The following APP variants were observed in gnomAD, a reference collection of about 807,000 sequenced individuals.
The protein encoded by APP is amyloid-beta precursor protein.
Under a neutral mutation model 101.4 loss-of-function variants are expected in APP, and 31 were observed. The ratio of observed to expected loss-of-function variants is 0.31; its 90% CI spans 0.23 to 0.41. The LOEUF is 0.41. APP is among the 10% of genes least tolerant of loss of function. The pLI, the probability that APP is intolerant of heterozygous loss-of-function variation, is 1.00. For synonymous variants in APP, 366 were observed against 364.4 expected (o/e 1.00, Z -0.05); for missense variants, 839 against 1,003.7 (o/e 0.84, Z 2.22).
intron 3 of APP, among the ~76,000 whole-genome samples, chr21:26,088,202 GGATAAAATA>G (rs916366939): frequency 1.3e-5 from 2 of 152,128 alleles, no homozygotes; most frequent in African/African-American, 4.8e-5. Context: ...TCAACAGATA[GGATAAAATA>G]GACCTGGGGT....
At chr21:25,997,083 G>A in intron 8 of APP, 1 of 484,124 alleles carries the variant, frequency 2.1e-6, no homozygotes, top group South Asian at 2.3e-5. Flanking sequence ...ACAATACAAT[G>A]ATGTTGTCCA....
At chr21:25,939,896 C>A (rs1458230844) in intron 13 of APP, among the ~76,000 whole-genome samples, 1 of 151,704 alleles carries the variant, frequency 6.6e-6, no homozygotes, top group Non-Finnish European at 1.5e-5. Context: ...CAGGAGGGGA[C>A]AACAGCAAGG....
At chr21:25,945,689 A>G in intron 13 of APP, 1 of 329,944 alleles carries the variant, frequency 3.0e-6, no homozygotes, top group Non-Finnish European at 6.0e-6. Flanking sequence ...TCAATGGGGG[A>G]AATAATAGTC....
intron 13 of APP, among the ~76,000 whole-genome samples, chr21:25,944,040 C>T (rs1481895061): frequency 6.6e-6 from 1 of 151,982 alleles, no homozygotes. Flanking sequence ...CAATGCCCCC[C>T]CCCAACCAAA....
chr21:25,967,714 G>C (rs1445101848), intron 11 of APP, among the ~76,000 whole-genome samples: 1 of 152,168 alleles, frequency 6.6e-6, no homozygotes, highest in South Asian at 2.1e-4. Context: ...AACGCTGAGA[G>C]TTACAAGGGG....
rs113206538 is a variant in APP, at chr21:26,118,622, G to A, written c.58-6476C>T. ...GGCTGGAGTGCAGCGGGGTGATCTC[G>A]GCTCACCGCAACCTCTGCCTCCTGG... On this transcript the variant is annotated intron_variant, in intron 1 of 17. Transcript: ENST00000346798. Among the ~76,000 whole-genome samples the A allele has an allele frequency of 2.7e-3, 406 of 152,168 alleles. 2 individuals are homozygous for A. The highest frequency in any genetic ancestry group is 4.6e-3 in the Non-Finnish European group (311 of 68,006).
chr21:25,982,924 G>A (rs967569954), intron 8 of APP, among the ~76,000 whole-genome samples: 2 of 43,302 alleles, frequency 4.6e-5, no homozygotes, highest in Non-Finnish European at 8.6e-5. Flanking sequence ...GTAGAATAAC[G>A]GCACCCCAGG....
At chr21:26,166,606 A>C (rs1234170143) in intron 1 of APP, among the ~76,000 whole-genome samples, 1 of 152,168 alleles carries the variant, frequency 6.6e-6, no homozygotes, top group Non-Finnish European at 1.5e-5. Context: ...AATTAAAAAA[A>C]GAAAAAAAAA....
intron 12 of APP, 120 bp downstream of exon 12, chr21:25,955,507 T>G (rs2041274662): frequency 7.0e-7 from 1 of 1,421,270 alleles, no homozygotes; most frequent in African/African-American, 1.4e-5. Flanking sequence ...GTTAAAGAGC[T>G]CTTGCCATAG....
chr21:25,895,757 AAT>A (rs1335062158), intron 16 of APP, among the ~76,000 whole-genome samples: 7 of 152,232 alleles, frequency 4.6e-5, no homozygotes, highest in Non-Finnish European at 1.0e-4. Context: ...TTACTAAACA[AAT>A]ATGCTAGCTC....
chr21:25,891,631 G>T, intron 17 of APP, 91 bp downstream of exon 17: 1 of 1,294,704 alleles, frequency 7.7e-7, no homozygotes, highest in Non-Finnish European at 1.1e-6. Context: ...TTTTTTAAAA[G>T]AGATACTTAG....
At chr21:26,016,243 GGCTGGTCTCT>G (rs1280035183) in intron 6 of APP, among the ~76,000 whole-genome samples, 1 of 152,090 alleles carries the variant, frequency 6.6e-6, no homozygotes, top group East Asian at 1.9e-4. Context: ...ATGTTGGCCA[GGCTGGTCTCT>G]AACTCCTGAC....
At chr21:25,939,295 A>C (rs1555899537) in intron 13 of APP, among the ~76,000 whole-genome samples, 1 of 152,250 alleles carries the variant, frequency 6.6e-6, no homozygotes, top group Non-Finnish European at 1.5e-5. Context: ...TCTAGAAAGC[A>C]AAACCTGTCT....
chr21:26,001,571 T>C (rs896728465), intron 6 of APP, among the ~76,000 whole-genome samples: 1 of 152,234 alleles, frequency 6.6e-6, no homozygotes, highest in African/African-American at 2.4e-5. Context: ...CAATCTTGGC[T>C]CACTGCAACC....
At chr21:25,998,266 C>A (rs943655843) in intron 7 of APP, among the ~76,000 whole-genome samples, 1 of 152,078 alleles carries the variant, frequency 6.6e-6, no homozygotes, top group African/African-American at 2.4e-5. Context: ...GGCCTTTGTT[C>A]CAAAGGCTGC....
intron 8 of APP, among the ~76,000 whole-genome samples, chr21:25,992,943 G>C (rs1338848485): frequency 6.6e-6 from 1 of 152,188 alleles, no homozygotes; most frequent in Non-Finnish European, 1.5e-5. Flanking sequence ...GTGTGATTAA[G>C]AACAATAGTT....
chr21:25,989,937 T>C (rs1286641403), intron 8 of APP, among the ~76,000 whole-genome samples: 4 of 143,898 alleles, frequency 2.8e-5, no homozygotes, highest in Non-Finnish European at 6.0e-5. Context: ...AAAAAAAAAG[T>C]GTCTCTCCAT....
rs1416184059 is a variant in APP at position 26,140,030 on chromosome 21, C to A, written c.58-27884G>T. On this transcript the variant is annotated intron_variant, in intron 1 of 17. Transcript: ENST00000346798. ...ATTACACCAAATAATTTGCAAACTTCATCCCTACTTTGGTCACAATAAGTA... is the reference window on the plus strand; with the variant it reads ...ATTACACCAAATAATTTGCAAACTTAATCCCTACTTTGGTCACAATAAGTA... 3.9e-6 allele frequency: 3 copies of A among 762,550 alleles called. No individual in the cohort carries two copies. In the Admixed American group the frequency reaches 6.9e-5, roughly 18 times the overall value. 47.2% of individuals were successfully genotyped at this position (762,550 alleles called of 1,614,324 possible).
At chr21:25,918,732 G>A (rs1465625493) in intron 13 of APP, among the ~76,000 whole-genome samples, 3 of 151,496 alleles carry the variant, frequency 2.0e-5, no homozygotes, top group South Asian at 2.1e-4. Context: ...AGGGTCCTAC[G>A]CCCACGGAAT....
Sources: gnomAD v4.1 joint callset for allele counts (sites outside exome capture counted in the v4.1 genomes callset) on GRCh38, gnomAD v4.1.1 for gene constraint, MANE v1.5 for transcripts, NCBI Gene and HGNC (gene_info 2026-07-23, HGNC 2026-07-21) for gene names.